BMP7: variants seen among roughly 807,000 people sequenced by gnomAD.
BMP7 encodes the protein bone morphogenetic protein 7, also known as osteogenic protein 1.
Under a neutral mutation model 41.2 loss-of-function variants are expected in BMP7, and 12 were observed. The observed-to-expected ratio is 0.29, with a 90% CI of 0.19 to 0.47. The LOEUF is 0.47. Among genes scored for constraint, BMP7 ranks in the 20% least tolerant of loss-of-function variants. The pLI, the probability that BMP7 is intolerant of heterozygous loss-of-function variation, is 0.99. For synonymous variants in BMP7, 248 were observed against 250.0 expected (o/e 0.99, Z 0.07); for missense variants, 467 against 606.0 (o/e 0.77, Z 2.41).
At chr20:57,183,612 A>G (rs1296029717) in intron 4 of BMP7, 110 bp downstream of exon 4, 10 of 1,400,762 alleles carry the variant, frequency 7.1e-6, no homozygotes, top group Non-Finnish European at 1.0e-5. Flanking sequence ...TTTGTTCCAG[A>G]GCCATCTGGT....
chr20:57,193,160 CTG>C (rs1984417165), intron 3 of BMP7, among the ~76,000 whole-genome samples: 1 of 152,202 alleles, frequency 6.6e-6, no homozygotes, highest in Non-Finnish European at 1.5e-5. Context: ...GTATGCCCAT[CTG>C]TAAGCACTAG....
At chr20:57,188,583 T>C (rs146592511) in intron 3 of BMP7, among the ~76,000 whole-genome samples, 19 of 152,050 alleles carry the variant, frequency 1.2e-4, no homozygotes, top group African/African-American at 4.6e-4. Context: ...TTGCACTCTT[T>C]GAAATGGTGA....
At chr20:57,180,825 C>G (rs1304373727) in intron 4 of BMP7, among the ~76,000 whole-genome samples, 2 of 152,144 alleles carry the variant, frequency 1.3e-5, no homozygotes, top group African/African-American at 2.4e-5. Context: ...GGACACCCGC[C>G]AGGGGTCAGG....
chr20:57,223,756 G>A (rs1985245402), intron 2 of BMP7, among the ~76,000 whole-genome samples: 1 of 152,184 alleles, frequency 6.6e-6, no homozygotes, highest in South Asian at 2.1e-4. Context: ...CAACCACAGG[G>A]TGGAGACATG....
Position 57,228,540 on chromosome 20 carries a change from G to T in BMP7, c.419-119C>A. 8.2e-7 allele frequency: 1 copy of T among 1,213,704 alleles called. No individual in the cohort carries two copies. Among genetic ancestry groups the T allele is most frequent in the Non-Finnish European group, 1.2e-6 (1 of 826,910 alleles). The allele number at this position is 1,213,704 out of a possible 1,614,324, so 75.2% of individuals were successfully genotyped here. On this transcript the variant is annotated intron_variant, in intron 1 of 6. Coordinates refer to ENST00000395863, the MANE Select transcript of BMP7 (RefSeq NM_001719.3). This position sits in a 1 kb window ranked among gnomAD's most constrained non-coding sequence, Gnocchi z 4.5. ...AGATGGAGGCATGCCCATTGCCAGT[G>T]ACCCCAGTGACAACTGCTCCTTCCT...
chr20:57,219,563 T>A (rs1335625732), intron 2 of BMP7, among the ~76,000 whole-genome samples: 2 of 152,158 alleles, frequency 1.3e-5, no homozygotes, highest in African/African-American at 4.8e-5. Flanking sequence ...AATGCCCTAC[T>A]ATGCCCAGGA....
chr20:57,240,846 C>T (rs1346405992), intron 1 of BMP7, among the ~76,000 whole-genome samples: 1 of 152,174 alleles, frequency 6.6e-6, no homozygotes, highest in Non-Finnish European at 1.5e-5. Context: ...ATTACCTCCC[C>T]CTGGGTGCCT....
At chr20:57,193,808 C>G (rs1297718914) in intron 3 of BMP7, among the ~76,000 whole-genome samples, 1 of 152,198 alleles carries the variant, frequency 6.6e-6, no homozygotes, top group Non-Finnish European at 1.5e-5. Flanking sequence ...AAAACCAGCC[C>G]TTTGCACGCT....
At chr20:57,235,572 G>T (rs111639097) in intron 1 of BMP7, among the ~76,000 whole-genome samples, 4 of 152,248 alleles carry the variant, frequency 2.6e-5, no homozygotes, top group Non-Finnish European at 5.9e-5. Context: ...GCAGGTGAGG[G>T]TTCTTCCAGG....
At chr20:57,256,430 T>G (rs527784821) in intron 1 of BMP7, among the ~76,000 whole-genome samples, 3 of 152,320 alleles carry the variant, frequency 2.0e-5, no homozygotes, top group South Asian at 4.1e-4. Flanking sequence ...CTCTGGTGCT[T>G]TGCCTTTCTG....
chr20:57,205,526 T>C (rs1023240681), intron 2 of BMP7, among the ~76,000 whole-genome samples: 3 of 152,138 alleles, frequency 2.0e-5, no homozygotes, highest in Non-Finnish European at 4.4e-5. Context: ...GAAGCACCAC[T>C]CCAAGTCGAA....
chr20:57,209,337 C>A (rs1450531141), intron 2 of BMP7, among the ~76,000 whole-genome samples: 2 of 143,126 alleles, frequency 1.4e-5, no homozygotes, highest in African/African-American at 5.1e-5. Context: ...CCCAGCTACT[C>A]GAGAGGCTGA....
chr20:57,180,584 C>A (rs1423133080), intron 4 of BMP7, among the ~76,000 whole-genome samples: 2 of 152,166 alleles, frequency 1.3e-5, no homozygotes. Context: ...AATTAACACC[C>A]CCAAGGGCAG....
At chr20:57,197,935 G>A (rs1984533096) in intron 3 of BMP7, among the ~76,000 whole-genome samples, 1 of 152,180 alleles carries the variant, frequency 6.6e-6, no homozygotes, top group African/African-American at 2.4e-5. Flanking sequence ...GCTTCTAAAA[G>A]CTGCACCCAC....
Position 57,175,032 on chromosome 20 carries a change from G to C in BMP7, c.959-25C>G, listed in dbSNP as rs199953994. On this transcript the variant is annotated intron_variant, in intron 4 of 6. Transcript: ENST00000395863. ...TCTGCATTGACAAGGAAGTGAAGAA[G>C]CAGAGCCCAGTGAGGAGAAAGAAAC... The C allele has an allele frequency of 1.3e-4, 211 of 1,602,466 alleles. No homozygotes were observed. The African/African-American group carries it at 2.5e-3, about 19-fold the overall frequency.
rs2066155186 is a variant in BMP7 at position 57,261,765 on chromosome 20, G to A, written c.418+3940C>T. On this transcript the variant is annotated intron_variant, in intron 1 of 6. Transcript: ENST00000395863. This position sits in a 1 kb window ranked among gnomAD's most constrained non-coding sequence, Gnocchi z 4.1. ...CACAAGCCAGGTTACAGCTGCAAAT[G>A]CCTGCAGTCCACGCTCCCCTTTGCG... is the stretch of plus-strand genomic sequence containing the variant. 6.6e-6 allele frequency among the ~76,000 whole-genome samples: 1 copy of A among 152,174 alleles called. No homozygotes were observed. The highest frequency in any genetic ancestry group is 2.4e-5 in the African/African-American group (1 of 41,428).
chr20:57,251,886 A>G (rs543168123), intron 1 of BMP7, among the ~76,000 whole-genome samples: 26 of 152,342 alleles, frequency 1.7e-4, no homozygotes, highest in African/African-American at 6.0e-4. Context: ...GTGAGCCGGG[A>G]TCGCGCCACC....
At chr20:57,172,964 T>TA in intron 6 of BMP7, 1 of 610,896 alleles carries the variant, frequency 1.6e-6, no homozygotes. Flanking sequence ...TTAGTTACTT[T>TA]AAAAATTAGG....
intron 1 of BMP7, among the ~76,000 whole-genome samples, chr20:57,248,821 C>T (rs969742367): frequency 2.0e-5 from 3 of 151,492 alleles, no homozygotes; most frequent in Non-Finnish European, 4.4e-5. Flanking sequence ...TTTTTTGAGA[C>T]AGAGTCTCAC....
Sources: allele counts gnomAD v4.1 joint callset (sites outside exome capture counted in the v4.1 genomes callset), GRCh38; gene constraint gnomAD v4.1.1; non-coding constraint Gnocchi (gnomAD v3.1); transcripts MANE v1.5; gene names NCBI Gene and HGNC (gene_info 2026-07-23, HGNC 2026-07-21).